The following MACROD2 variants were observed in gnomAD, a reference collection of about 807,000 sequenced individuals.
The protein encoded by MACROD2 is mono-ADP ribosylhydrolase 2.
MACROD2 carries 36 observed loss-of-function variants against 70.4 expected under a neutral mutation model. The observed-to-expected ratio is 0.51, with a 90% CI of 0.39 to 0.68. The LOEUF (loss-of-function observed/expected upper bound fraction) is 0.68, where lower values mean the gene tolerates loss of function less well. Among genes scored for constraint, MACROD2 ranks in the 30% least tolerant of loss-of-function variants. The pLI is 0.00. For missense variants in MACROD2, 496 were observed against 538.4 expected (o/e 0.92, Z 0.78); for synonymous variants, 172 against 178.8 (o/e 0.96, Z 0.30).
At position 14,389,314 on chromosome 20, in the gene MACROD2, C is replaced by T. The variant is rs867932733; in HGVS notation, c.272-104165C>T. 1.1e-4 allele frequency among the ~76,000 whole-genome samples: 17 copies of T among 148,458 alleles called. No homozygotes were observed. In the East Asian group the frequency reaches 3.3e-3, roughly 29 times the overall value. ...GCCCTTGCCTGTAATCCCAGCTACT[C>T]GGGAGGCTGCGGCAGGAGAATCGCT... On this transcript the variant is annotated intron_variant, in intron 3 of 17. Transcript: ENST00000684519.
chr20:14,144,443 G>C (rs2054918509), intron 3 of MACROD2, among the ~76,000 whole-genome samples: 1 of 151,966 alleles, frequency 6.6e-6, no homozygotes, highest in African/African-American at 2.4e-5. Context: ...TTCATTTATT[G>C]ATCTCCTACC....
chr20:15,293,154 A>G (rs2077556250), intron 6 of MACROD2, among the ~76,000 whole-genome samples: 1 of 152,252 alleles, frequency 6.6e-6, no homozygotes, highest in South Asian at 2.1e-4. Context: ...GCTACATAGA[A>G]TAAGTCGATA....
At chr20:14,822,363 C>T (rs1466693102) in intron 5 of MACROD2, among the ~76,000 whole-genome samples, 1 of 149,904 alleles carries the variant, frequency 6.7e-6, no homozygotes, top group Admixed American at 6.9e-5. Flanking sequence ...CCTTTTAAAC[C>T]TTGTGGGTAT....
chr20:14,804,020 G>C (rs6079568), intron 5 of MACROD2, among the ~76,000 whole-genome samples: 72,425 of 151,766 alleles, frequency 0.48, 18,750 homozygotes, highest in Middle Eastern at 0.58. Context: ...CATAACTTTT[G>C]TTGGTAATTA....
chr20:14,940,148 C>CAAAAAAA (rs57697517), intron 5 of MACROD2, among the ~76,000 whole-genome samples: 34 of 55,064 alleles, frequency 6.2e-4, no homozygotes, highest in East Asian at 1.1e-3. Context: ...CTCATCTCTG[C>CAAAAAAA]AAAAAAAAAA....
At chr20:15,570,651 A>T (rs2048365403) in intron 8 of MACROD2, among the ~76,000 whole-genome samples, 1 of 152,180 alleles carries the variant, frequency 6.6e-6, no homozygotes, top group East Asian at 1.9e-4. Flanking sequence ...TGCTGGCTTT[A>T]TGTTGAGCCA....
At chr20:14,296,029 C>T (rs923215058) in intron 3 of MACROD2, among the ~76,000 whole-genome samples, 2 of 151,766 alleles carry the variant, frequency 1.3e-5, no homozygotes, top group African/African-American at 2.4e-5. Flanking sequence ...CTGTTGGAAT[C>T]GTCTATCTAT....
chr20:14,147,105 T>C (rs999804924), intron 3 of MACROD2, among the ~76,000 whole-genome samples: 1 of 152,178 alleles, frequency 6.6e-6, no homozygotes, highest in Non-Finnish European at 1.5e-5. Flanking sequence ...GGGCTTCTTA[T>C]GTACTGGGTA....
chr20:14,067,719 CAT>C (rs1484226386), intron 2 of MACROD2, among the ~76,000 whole-genome samples: 15 of 152,164 alleles, frequency 9.9e-5, no homozygotes, highest in East Asian at 1.9e-4. Context: ...CAGCTTCACA[CAT>C]AGTCTCATTA....
chr20:14,255,252 T>C (rs1379060114), intron 3 of MACROD2, among the ~76,000 whole-genome samples: 12 of 152,004 alleles, frequency 7.9e-5, no homozygotes, highest in Non-Finnish European at 1.8e-4. Context: ...TCAAGACCCA[T>C]CAGGGTGCAA....
At chr20:15,849,287 C>T (rs1003166574) in intron 8 of MACROD2, among the ~76,000 whole-genome samples, 9 of 152,130 alleles carry the variant, frequency 5.9e-5, no homozygotes, top group African/African-American at 2.2e-4. Flanking sequence ...TTCTTTCTTG[C>T]AGGAGTGGGA....
intron 7 of MACROD2, among the ~76,000 whole-genome samples, chr20:15,492,357 A>G (rs2047242399): frequency 6.6e-6 from 1 of 151,988 alleles, no homozygotes; most frequent in Non-Finnish European, 1.5e-5. Context: ...TCCTCCATCT[A>G]CACCCTCCAA....
intron 6 of MACROD2, among the ~76,000 whole-genome samples, chr20:15,278,261 G>T (rs1466091273): frequency 6.6e-6 from 1 of 152,192 alleles, no homozygotes; most frequent in Admixed American, 6.5e-5. Flanking sequence ...TATGAGGAAG[G>T]AGTAAAGGAA....
intron 7 of MACROD2, among the ~76,000 whole-genome samples, chr20:15,453,428 T>C (rs1486411236): frequency 2.6e-5 from 4 of 152,180 alleles, no homozygotes; most frequent in Admixed American, 2.6e-4. Context: ...TTGATTTGTT[T>C]TTAAAATTAT....
At chr20:15,985,584 A>ACGC (rs1432523837) in intron 13 of MACROD2, among the ~76,000 whole-genome samples, 73 of 152,304 alleles carry the variant, frequency 4.8e-4, no homozygotes, top group African/African-American at 1.7e-3. Context: ...GGGGCCTGCT[A>ACGC]TGCGCTGCTC....
chr20:14,672,721 T>C (rs1487296314), intron 4 of MACROD2, among the ~76,000 whole-genome samples: 1 of 152,182 alleles, frequency 6.6e-6, no homozygotes, highest in Non-Finnish European at 1.5e-5. Flanking sequence ...CGACAGAGAC[T>C]GGCATTTTGA....
At chr20:14,788,580 C>CAAAA (rs11477973) in intron 5 of MACROD2, among the ~76,000 whole-genome samples, 35 of 73,262 alleles carry the variant, frequency 4.8e-4, no homozygotes, top group African/African-American at 1.3e-3. Context: ...GATCACATCT[C>CAAAA]AAAAAAAAAA....
chr20:15,942,860 T>A (rs1409811371), intron 12 of MACROD2, among the ~76,000 whole-genome samples: 2 of 152,230 alleles, frequency 1.3e-5, no homozygotes, highest in Non-Finnish European at 2.9e-5. Flanking sequence ...TGCCTTATTA[T>A]TTAATCAGTA....
chr20:14,085,868 A>G (rs1203928489), intron 3 of MACROD2, 140 bp downstream of exon 3: 10 of 506,174 alleles, frequency 2.0e-5, no homozygotes, highest in Non-Finnish European at 3.1e-5. Flanking sequence ...CTTGATTAAA[A>G]ACATTGGAGA....
Sources: allele counts gnomAD v4.1 joint callset (sites outside exome capture counted in the v4.1 genomes callset), GRCh38; gene constraint gnomAD v4.1.1; transcripts MANE v1.5; gene names NCBI Gene and HGNC (gene_info 2026-07-23, HGNC 2026-07-21).